Variants in PDZD2 observed in about 807,000 individuals in gnomAD.
PDZD2 encodes PDZ domain-containing protein 2.
In PDZD2, 90 loss-of-function variants were observed where a neutral mutation model predicts 220.7. That is an observed-to-expected ratio of 0.41 (90% CI 0.34 to 0.49). PDZD2 has a LOEUF of 0.49. Among genes scored for constraint, PDZD2 ranks in the 20% least tolerant of loss-of-function variants. The pLI, the probability that PDZD2 is intolerant of heterozygous loss-of-function variation, is 0.28. For synonymous variants in PDZD2, 1,375 were observed against 1,450.5 expected, an observed-to-expected ratio of 0.95 and a Z score of 1.18; for missense variants, 3,174 against 3,608.5, an observed-to-expected ratio of 0.88 and a Z score of 3.08.
rs191038951 is a variant in PDZD2 at position 31,962,244 on chromosome 5, T to G, written c.477-20911T>G. ...ATCTGCTTGTGTATCTTAACTTCTC[T>G]TTCCTTTAAGTCATTTCTGACTTTT... On this transcript the variant is annotated intron_variant, in intron 2 of 24. Transcript: ENST00000438447. 5.3e-5 allele frequency among the ~76,000 whole-genome samples: 8 copies of G among 152,334 alleles called. No homozygotes were observed. In the East Asian group the frequency reaches 1.4e-3, roughly 26 times the overall value.
intron 1 of PDZD2, among the ~76,000 whole-genome samples, chr5:31,678,934 A>AAATT (rs1300247886): frequency 6.6e-6 from 1 of 151,784 alleles, no homozygotes; most frequent in Admixed American, 6.6e-5. Flanking sequence ...CCCCCTTTTT[A>AAATT]ATTATGTCAA....
chr5:31,683,629 A>G (rs1439129238), intron 1 of PDZD2, among the ~76,000 whole-genome samples: 1 of 152,230 alleles, frequency 6.6e-6, no homozygotes, highest in African/African-American at 2.4e-5. Context: ...GTTTGATATC[A>G]GCTCATAAAG....
chr5:32,007,449 AG>A (rs1752921217), intron 5 of PDZD2, among the ~76,000 whole-genome samples: 1 of 152,074 alleles, frequency 6.6e-6, no homozygotes, highest in Non-Finnish European at 1.5e-5. Context: ...ATCACAGAAG[AG>A]GACTGAACTC....
chr5:31,727,761 C>T (rs921457698), intron 1 of PDZD2, among the ~76,000 whole-genome samples: 2 of 148,952 alleles, frequency 1.3e-5, no homozygotes, highest in African/African-American at 2.5e-5. Context: ...CCAACACTTC[C>T]GGAGGCCGAG....
chr5:31,743,177 C>CT (rs753388178), intron 1 of PDZD2, among the ~76,000 whole-genome samples: 3,438 of 142,870 alleles, frequency 0.024, 102 homozygotes, highest in African/African-American at 0.075. Flanking sequence ...ATTCTTTTTT[C>CT]TTTTTTTTTT....
intron 12 of PDZD2, among the ~76,000 whole-genome samples, chr5:32,058,366 A>G (rs1419589390): frequency 6.0e-5 from 9 of 151,014 alleles, no homozygotes; most frequent in African/African-American, 2.2e-4. Flanking sequence ...TGTGTTTAAA[A>G]AAAAAAAAAA....
At chr5:31,784,469 G>A (rs1753257368) in intron 1 of PDZD2, among the ~76,000 whole-genome samples, 1 of 152,194 alleles carries the variant, frequency 6.6e-6, no homozygotes, top group South Asian at 2.1e-4. Flanking sequence ...TGTGGAGGAT[G>A]GACTGAAATC....
At chr5:31,793,820 A>G (rs1718668095) in intron 1 of PDZD2, among the ~76,000 whole-genome samples, 1 of 152,182 alleles carries the variant, frequency 6.6e-6, no homozygotes, top group African/African-American at 2.4e-5. Context: ...ATTTTTAAAA[A>G]GCTTTATATT....
intron 2 of PDZD2, among the ~76,000 whole-genome samples, chr5:31,849,391 T>A (rs2150293870): frequency 6.6e-6 from 1 of 151,778 alleles, no homozygotes; most frequent in African/African-American, 2.4e-5. Flanking sequence ...TGCAAAAAAA[T>A]GAGATAATCT....
intron 6 of PDZD2, among the ~76,000 whole-genome samples, chr5:32,017,353 C>T (rs1450104225): frequency 3.3e-5 from 5 of 151,834 alleles, no homozygotes; most frequent in Non-Finnish European, 7.4e-5. Flanking sequence ...GCACAAGAAT[C>T]GCTTGAACCC....
At chr5:31,735,312 A>T (rs1749792725) in intron 1 of PDZD2, among the ~76,000 whole-genome samples, 1 of 152,150 alleles carries the variant, frequency 6.6e-6, no homozygotes, top group Non-Finnish European at 1.5e-5. Context: ...TGGTGGGGGC[A>T]CTTCGTGCTG....
chr5:31,722,252 C>G (rs1748852685), intron 1 of PDZD2, among the ~76,000 whole-genome samples: 1 of 152,174 alleles, frequency 6.6e-6, no homozygotes, highest in South Asian at 2.1e-4. Context: ...AGCCCCTCAC[C>G]ACACCGCACA....
intron 1 of PDZD2, among the ~76,000 whole-genome samples, chr5:31,753,541 CAGTG>C (rs759062484): frequency 5.6e-4 from 85 of 152,290 alleles, no homozygotes; most frequent in Middle Eastern, 3.4e-3. Context: ...GTGGAGGTTG[CAGTG>C]GGCTGAGGTT....
chr5:31,890,788 G>C (rs1428143643), intron 2 of PDZD2, among the ~76,000 whole-genome samples: 1 of 152,164 alleles, frequency 6.6e-6, no homozygotes, highest in African/African-American at 2.4e-5. Flanking sequence ...GAGGAAACAG[G>C]CCAGACAGGT....
intron 2 of PDZD2, among the ~76,000 whole-genome samples, chr5:31,919,098 A>G (rs1269273353): frequency 6.6e-6 from 1 of 152,232 alleles, no homozygotes; most frequent in Non-Finnish European, 1.5e-5. Context: ...AAAGATTGAA[A>G]TGTGAAGAAA....
At chr5:31,835,292 T>C (rs1361218372) in intron 2 of PDZD2, among the ~76,000 whole-genome samples, 2 of 152,154 alleles carry the variant, frequency 1.3e-5, no homozygotes, top group African/African-American at 4.8e-5. Flanking sequence ...CTTTCTTCTA[T>C]GTGCTGTGCT....
chr5:32,107,597 T>C (rs1467167272), intron 24 of PDZD2: 1 of 155,222 alleles, frequency 6.4e-6, no homozygotes, highest in Non-Finnish European at 1.4e-5. Flanking sequence ...CTGTGTTTAC[T>C]GGCTGTTTGG....
At chr5:31,894,217 C>T (rs574151151) in intron 2 of PDZD2, among the ~76,000 whole-genome samples, 5 of 151,928 alleles carry the variant, frequency 3.3e-5, no homozygotes, top group Non-Finnish European at 7.4e-5. Context: ...TCGGCCAGCA[C>T]ATTGCATTTT....
intron 2 of PDZD2, among the ~76,000 whole-genome samples, chr5:31,924,632 C>T (rs1457796227): frequency 2.0e-5 from 3 of 152,090 alleles, no homozygotes; most frequent in Non-Finnish European, 4.4e-5. Flanking sequence ...GTTTATGTGG[C>T]GCATGTGCTT....
Sources: allele counts gnomAD v4.1 joint callset (sites outside exome capture counted in the v4.1 genomes callset), GRCh38; gene constraint gnomAD v4.1.1; transcripts MANE v1.5; gene names NCBI Gene and HGNC (gene_info 2026-07-23, HGNC 2026-07-21).